Variants in SYCP2L observed in about 807,000 individuals in gnomAD.
The protein encoded by SYCP2L is synaptonemal complex protein 2-like.
Under a neutral mutation model 125.8 loss-of-function variants are expected in SYCP2L, and 98 were observed. That is an observed-to-expected ratio of 0.78 (90% CI 0.66 to 0.92). SYCP2L has a LOEUF of 0.92. SYCP2L is among the 40% of genes least tolerant of loss of function. SYCP2L has a pLI of 0.00. For missense variants in SYCP2L, 842 were observed against 936.4 expected (o/e 0.90, Z 1.32); for synonymous variants, 317 against 325.4 (o/e 0.97, Z 0.28).
chr6:10,973,168 T>C (rs1371693909), intron 29 of SYCP2L, among the ~76,000 whole-genome samples: 1 of 152,166 alleles, frequency 6.6e-6, no homozygotes, highest in Non-Finnish European at 1.5e-5. Context: ...CCCTGGAGTT[T>C]GGGTGGGATG....
At chr6:10,891,651 GTGTGTGTGTGTGTA>G (rs1780177208) in intron 2 of SYCP2L, 70 bp downstream of exon 2, 34 of 816,100 alleles carry the variant, frequency 4.2e-5, no homozygotes, top group East Asian at 2.4e-4. Flanking sequence ...GTGTGTGTGT[GTGTGTGTGTGTGTA>G]TGTGTATATG....
chr6:10,929,813 G>C (rs113730874), intron 18 of SYCP2L: 1 of 152,046 alleles, frequency 6.6e-6, no homozygotes, highest in African/African-American at 2.4e-5. Context: ...GGTGGCATGC[G>C]CCTGTAATCC....
Position 10,912,756 on chromosome 6 carries a change from C to T in SYCP2L, c.1002C>T (p.Asp334=), listed in dbSNP as rs761670676. The part of the protein sequence containing the change: ...LGSQSVTFYI[D]NAENTLWDSV... ...GTCAGAGTGTCACTTTTTATATAGA[C>T]AATGCTGAGGTAATGATGTTCGATT... is the stretch of plus-strand genomic sequence containing the variant. Residue 334 remains aspartate (D), a synonymous_variant, in exon 13 of 30, where the codon GAC becomes GAT. Coordinates refer to ENST00000283141, the MANE Select transcript of SYCP2L (RefSeq NM_001040274.3). This position sits in a 1 kb window ranked among gnomAD's most constrained non-coding sequence, Gnocchi z 4.1. The T allele has an allele frequency of 1.8e-5, 29 of 1,613,152 alleles. No individual in the cohort carries two copies. The East Asian group carries it at 6.2e-4, about 35-fold the overall frequency.
At chr6:10,906,084 A>G (rs763604222) in intron 9 of SYCP2L, 30 bp downstream of exon 9, 1 of 1,394,978 alleles carries the variant, frequency 7.2e-7, no homozygotes, top group East Asian at 2.3e-5. Context: ...TCAGTATTAG[A>G]ATATTAAATA....
At chr6:10,947,928 T>C (rs1184853915) in intron 23 of SYCP2L, among the ~76,000 whole-genome samples, 2 of 152,160 alleles carry the variant, frequency 1.3e-5, no homozygotes, top group African/African-American at 4.8e-5. Context: ...CTACTCATAA[T>C]TTGCTCTGAG....
chr6:10,955,086 CA>C (rs1331822211), intron 23 of SYCP2L, 29 bp from the exon 24 acceptor site: 1 of 1,511,104 alleles, frequency 6.6e-7, no homozygotes, highest in Admixed American at 1.7e-5. Flanking sequence ...AATTTCGGGT[CA>C]AAAGGAAATG....
At chr6:10,938,654 G>A (rs972498527) in intron 21 of SYCP2L, among the ~76,000 whole-genome samples, 1 of 152,178 alleles carries the variant, frequency 6.6e-6, no homozygotes, top group Non-Finnish European at 1.5e-5. Context: ...ATATCAAACT[G>A]TAAAGGCTTC....
At chr6:10,927,160 G>A (rs1027445190) in intron 16 of SYCP2L, 80 bp from the exon 17 acceptor site, 3 of 1,565,128 alleles carry the variant, frequency 1.9e-6, no homozygotes, top group Non-Finnish European at 2.6e-6. Context: ...GGTACCAGAG[G>A]GGACATCCCA....
rs926986867 is a variant in SYCP2L at position 10,902,546 on chromosome 6, A to G, written c.467-131A>G. ...ACAATGCAACAGGATTGTAAGAGGC[A>G]CAGCCTGCAAAGTGGGTTATATTGT... On this transcript the variant is annotated intron_variant, in intron 6 of 29. Coordinates refer to ENST00000283141, the MANE Select transcript of SYCP2L (RefSeq NM_001040274.3). 3.7e-5 allele frequency: 26 copies of G among 710,066 alleles called. No homozygotes were observed. The African/African-American group carries it at 4.5e-4, about 12-fold the overall frequency. The allele number at this position is 710,066 out of a possible 1,614,324, so 44.0% of individuals were successfully genotyped here. A position where few individuals can be genotyped will look rare whatever the true frequency, so the allele number is the denominator to read the frequency against.
chr6:10,918,050 G>C (rs1396302131), intron 14 of SYCP2L, among the ~76,000 whole-genome samples: 1 of 152,006 alleles, frequency 6.6e-6, no homozygotes, highest in African/African-American at 2.4e-5. Context: ...TAGGTTACCT[G>C]GTGCTTTTGT....
Position 10,902,659 on chromosome 6 carries a change from T to G in SYCP2L, c.467-18T>G. 1 of 1,605,708 alleles carries G rather than the reference T, an allele frequency of 6.2e-7. No individual in the cohort carries two copies. Among genetic ancestry groups the G allele is most frequent in the South Asian group, 1.1e-5 (1 of 90,532 alleles). On this transcript the variant is annotated intron_variant, in intron 6 of 29. Transcript: ENST00000283141. ...CTCTTCCAAACATAAATTTGATGCT[T>G]TGAAATTATACTTTCAGGGAAAATT...
At chr6:10,913,803 C>G (rs1198541641) in intron 14 of SYCP2L, among the ~76,000 whole-genome samples, 1 of 151,656 alleles carries the variant, frequency 6.6e-6, no homozygotes, top group Non-Finnish European at 1.5e-5. Flanking sequence ...AAGCCAATGT[C>G]TAGAAGGGTT....
At chr6:10,962,307 CAAA>C (rs59874459) in intron 28 of SYCP2L, among the ~76,000 whole-genome samples, 2 of 148,474 alleles carry the variant, frequency 1.3e-5, no homozygotes, top group African/African-American at 5.0e-5. Flanking sequence ...TATTCCAAAG[CAAA>C]AAAAAAAATC....
At chr6:10,926,533 T>TGCGTGTCTGATGGCACTTCTGGAGG (rs1185419564) in intron 16 of SYCP2L, 101 bp downstream of exon 16, 17 of 846,062 alleles carry the variant, frequency 2.0e-5, no homozygotes, top group Non-Finnish European at 3.1e-5. Flanking sequence ...ATATGAGTGA[T>TGCGTGTCTGATGGCACTTCTGGAGG]GCGTGTCTGA....
chr6:10,966,268 A>C (rs1781675234), intron 29 of SYCP2L, among the ~76,000 whole-genome samples: 1 of 152,224 alleles, frequency 6.6e-6, no homozygotes, highest in Non-Finnish European at 1.5e-5. Context: ...GGAATCTACT[A>C]ATACATTAAT....
intron 8 of SYCP2L, among the ~76,000 whole-genome samples, chr6:10,904,224 G>C (rs1238843858): frequency 6.6e-6 from 1 of 152,218 alleles, no homozygotes; most frequent in Non-Finnish European, 1.5e-5. Flanking sequence ...GTGACCCAAA[G>C]TCATTGTTGC....
chr6:10,887,158 G>T, intron 1 of SYCP2L, 23 bp downstream of exon 1: 1 of 1,614,002 alleles, frequency 6.2e-7, no homozygotes, highest in Non-Finnish European at 8.5e-7. Context: ...CGAAGGGCCC[G>T]GACCTTCTGT....
At chr6:10,923,936 G>A (rs924388484) in intron 14 of SYCP2L, among the ~76,000 whole-genome samples, 4 of 151,976 alleles carry the variant, frequency 2.6e-5, no homozygotes, top group East Asian at 1.9e-4. Context: ...CACCCGCCTC[G>A]GCCTCCCAAA....
At chr6:10,947,058 C>A (rs1781328114) in intron 23 of SYCP2L, among the ~76,000 whole-genome samples, 1 of 151,942 alleles carries the variant, frequency 6.6e-6, no homozygotes, top group Non-Finnish European at 1.5e-5. Context: ...CTGTTTTTCA[C>A]AACTACCTGT....
Sources: gnomAD v4.1 joint callset for allele counts (sites outside exome capture counted in the v4.1 genomes callset) on GRCh38, gnomAD v4.1.1 for gene constraint, Gnocchi (gnomAD v3.1) non-coding constraint, MANE v1.5 for transcripts, NCBI Gene and HGNC (gene_info 2026-07-23, HGNC 2026-07-21) for gene names.